RASA2: variants seen among roughly 807,000 people sequenced by gnomAD.
RASA2 encodes ras GTPase-activating protein 2.
In RASA2, 155 loss-of-function variants were observed where a neutral mutation model predicts 118.2. The observed-to-expected ratio is 1.31, with a 90% confidence interval of 1.15 to 1.50. The LOEUF is 1.50. Among genes scored for constraint, RASA2 ranks in the 40% most tolerant of loss-of-function variants. The probability of loss-of-function intolerance (pLI) is 0.00; values close to 1 mark genes in which losing one functional copy is unlikely to be tolerated. For missense variants in RASA2, 1,016 were observed against 1,009.6 expected (o/e 1.01, Z -0.09); for synonymous variants, 353 against 349.1 (o/e 1.01, Z -0.12).
intron 1 of RASA2, among the ~76,000 whole-genome samples, chr3:141,487,723 G>C (rs2081595571): frequency 6.6e-6 from 1 of 152,094 alleles, no homozygotes; most frequent in Non-Finnish European, 1.5e-5. Flanking sequence ...GGGGCTGTTC[G>C]TTTCCTGGGC....
In RASA2 at chr3:141,556,323, C is replaced by T. The variant is rs181217695; in HGVS notation, c.684+411C>T. On this transcript the variant is annotated intron_variant, in intron 7 of 23. Coordinates refer to ENST00000286364, the MANE Select transcript of RASA2 (RefSeq NM_006506.5). Reference sequence around the variant, plus strand: ...TTCCAGTCAAGTTGACTGAAAGAGTCACTAAATGTGACTCAAGTTTCTTAT... The same window carrying T: ...TTCCAGTCAAGTTGACTGAAAGAGTTACTAAATGTGACTCAAGTTTCTTAT... Among the ~76,000 whole-genome samples, 218 of 152,300 alleles carry T rather than the reference C, an allele frequency of 1.4e-3. 2 individuals carry two copies. The South Asian group carries it at 0.018, about 13-fold the overall frequency.
At chr3:141,555,814 G>A in intron 6 of RASA2, 26 bp from the exon 7 acceptor site, 1 of 1,585,446 alleles carries the variant, frequency 6.3e-7, no homozygotes, top group Non-Finnish European at 8.6e-7. Flanking sequence ...AGTTCTACAA[G>A]GTAAAACTCT....
intron 19 of RASA2, among the ~76,000 whole-genome samples, chr3:141,595,607 AT>A (rs1022216057): frequency 6.6e-5 from 10 of 151,510 alleles, no homozygotes; most frequent in East Asian, 1.9e-4. Flanking sequence ...TTCTAGTTGA[AT>A]TTTTTTTTCT....
At chr3:141,566,646 T>C (rs904692961) in intron 9 of RASA2, among the ~76,000 whole-genome samples, 7 of 152,206 alleles carry the variant, frequency 4.6e-5, no homozygotes, top group Admixed American at 2.6e-4. Flanking sequence ...GGAAATTGCT[T>C]TAAAATAATA....
intron 5 of RASA2, among the ~76,000 whole-genome samples, chr3:141,548,739 T>C (rs1377990281): frequency 1.3e-5 from 2 of 152,208 alleles, no homozygotes; most frequent in East Asian, 3.8e-4. Flanking sequence ...AAGTCCCCAC[T>C]ACAACATTTT....
chr3:141,512,049 T>C lies in RASA2; in HGVS notation c.134-114T>C, dbSNP rs541877076. ...ATCTTTCTGTAATCACTAGTGTTTT[T>C]TTTTTTTTCTGTGCCACATTAATAT... On this transcript the variant is annotated intron_variant, in intron 1 of 23. Transcript: ENST00000286364. The C allele has an allele frequency of 1.0e-5, 7 of 684,064 alleles. No individual in the cohort carries two copies. In the East Asian group the frequency reaches 2.0e-4, roughly 20 times the overall value. The allele number at this position is 684,064 out of a possible 1,614,324, so 42.4% of individuals were successfully genotyped here. A position where few individuals can be genotyped will look rare whatever the true frequency, so the allele number is the denominator to read the frequency against.
intron 1 of RASA2, among the ~76,000 whole-genome samples, chr3:141,503,942 TA>T (rs1313014420): frequency 6.6e-6 from 1 of 152,140 alleles, no homozygotes; most frequent in Non-Finnish European, 1.5e-5. Flanking sequence ...TAAATCAACT[TA>T]AATGAAATGG....
At chr3:141,589,225 A>G (rs1219499761) in intron 19 of RASA2, among the ~76,000 whole-genome samples, 2 of 152,226 alleles carry the variant, frequency 1.3e-5, no homozygotes, top group African/African-American at 4.8e-5. Flanking sequence ...TCACCTATGC[A>G]TAGCACTGGG....
chr3:141,598,302 G>C (rs2083407431), intron 19 of RASA2, among the ~76,000 whole-genome samples: 1 of 152,104 alleles, frequency 6.6e-6, no homozygotes, highest in Non-Finnish European at 1.5e-5. Context: ...TAATGAAGTG[G>C]GGTTTGTCCC....
chr3:141,533,274 C>G (rs1462806236), intron 4 of RASA2, among the ~76,000 whole-genome samples: 1 of 152,108 alleles, frequency 6.6e-6, no homozygotes, highest in Non-Finnish European at 1.5e-5. Context: ...TAAGGCAGTC[C>G]ACTTTAGGGC....
intron 19 of RASA2, chr3:141,600,456 G>A: frequency 2.5e-6 from 1 of 400,050 alleles, no homozygotes; most frequent in South Asian, 2.0e-5. Context: ...GGAGCAGGTT[G>A]CGCTCCTTAT....
chr3:141,580,271 G>A, intron 15 of RASA2, 97 bp from the exon 16 acceptor site: 1 of 904,706 alleles, frequency 1.1e-6, no homozygotes, highest in Non-Finnish European at 1.7e-6. Flanking sequence ...TTGAGTCATT[G>A]TTTTACAGCA....
intron 2 of RASA2, among the ~76,000 whole-genome samples, chr3:141,516,106 T>C (rs974839793): frequency 6.7e-6 from 1 of 149,590 alleles, no homozygotes; most frequent in Admixed American, 6.7e-5. Context: ...ATGTAAATGA[T>C]GAGTTAATGG....
intron 5 of RASA2, among the ~76,000 whole-genome samples, chr3:141,543,600 C>T (rs1236327097): frequency 2.0e-5 from 3 of 151,964 alleles, no homozygotes; most frequent in Non-Finnish European, 2.9e-5. Flanking sequence ...CTTGGTGATA[C>T]ATTCTCTTGG....
At chr3:141,591,405 C>T (rs1164444357) in intron 19 of RASA2, among the ~76,000 whole-genome samples, 3 of 152,158 alleles carry the variant, frequency 2.0e-5, no homozygotes, top group African/African-American at 4.8e-5. Context: ...CATTCCCTTA[C>T]TGTGTATCTT....
intron 5 of RASA2, among the ~76,000 whole-genome samples, chr3:141,542,613 G>T (rs1298402792): frequency 6.6e-6 from 1 of 152,000 alleles, no homozygotes; most frequent in African/African-American, 2.4e-5. Context: ...GGTACATCTT[G>T]CATGACTATA....
At chr3:141,607,922 A>G (rs1041604898) in intron 20 of RASA2, among the ~76,000 whole-genome samples, 162 bp downstream of exon 20, 6 of 152,174 alleles carry the variant, frequency 3.9e-5, no homozygotes, top group African/African-American at 1.4e-4. Flanking sequence ...TTTACTATTA[A>G]TCATTAATAG....
At chr3:141,520,524 G>T (rs1372520982) in intron 3 of RASA2, among the ~76,000 whole-genome samples, 1 of 150,762 alleles carries the variant, frequency 6.6e-6, no homozygotes, top group Non-Finnish European at 1.5e-5. Flanking sequence ...GAGAATGTAT[G>T]TAACTATATA....
Position 141,559,971 on chromosome 3 carries a change from G to C in RASA2, c.839G>C (p.Arg280Thr), listed in dbSNP as rs1219730068. Reference protein sequence around the residue: ...GEIKVPVNVLRTDSSHQAWYL... With the variant: ...GEIKVPVNVLTTDSSHQAWYL... ...ATTAAGGTTCCTGTGAACGTATTAA[G>C]AACTGATTCCTCTCATCAAGCCTGG... Residue 280 changes from arginine to threonine, a missense_variant, in exon 9 of 24, where the codon AGA becomes ACA. Physicochemically the swap from Arg to Thr is moderately conservative, Grantham distance 71. Coordinates refer to ENST00000286364, the MANE Select transcript of RASA2 (RefSeq NM_006506.5). 1 of 1,613,090 alleles carries C rather than the reference G, an allele frequency of 6.2e-7. No homozygotes were observed.
Sources: gnomAD v4.1 joint callset for allele counts (sites outside exome capture counted in the v4.1 genomes callset) on GRCh38, gnomAD v4.1.1 for gene constraint, MANE v1.5 for transcripts, NCBI Gene and HGNC (gene_info 2026-07-23, HGNC 2026-07-21) for gene names.